The following TLN2 variants were observed in gnomAD, a reference collection of about 807,000 sequenced individuals.
The protein encoded by TLN2 is talin 2.
A neutral mutation model predicts 294.7 loss-of-function variants in TLN2; 118 were observed. The ratio of observed to expected loss-of-function variants is 0.40; its 90% CI spans 0.34 to 0.47. The LOEUF (loss-of-function observed/expected upper bound fraction) is 0.47, where lower values mean the gene tolerates loss of function less well. Among genes scored for constraint, TLN2 ranks in the 20% least tolerant of loss-of-function variants. TLN2 has a pLI of 0.84. For missense variants in TLN2, 3,083 were observed against 3,282.2 expected (o/e 0.94, Z 1.48); for synonymous variants, 1,431 against 1,304.5 (o/e 1.10, Z -2.09).
intron 11 of TLN2, among the ~76,000 whole-genome samples, chr15:62,679,889 C>A (rs1314837067): frequency 2.0e-5 from 3 of 152,136 alleles, no homozygotes; most frequent in African/African-American, 7.2e-5. Flanking sequence ...ATTTATGTAA[C>A]CCCCACCATA....
At chr15:62,595,931 A>G (rs901559352) in intron 2 of TLN2, among the ~76,000 whole-genome samples, 2 of 152,204 alleles carry the variant, frequency 1.3e-5, no homozygotes, top group Non-Finnish European at 2.9e-5. Flanking sequence ...TCAGTTAGAT[A>G]TAAAGAATAA....
chr15:62,825,776 A>AAT (rs1555521842), intron 54 of TLN2, among the ~76,000 whole-genome samples: 4 of 28,688 alleles, frequency 1.4e-4, no homozygotes, highest in East Asian at 8.2e-4. Flanking sequence ...TATATTATAT[A>AAT]ATATATTATA....
chr15:62,639,017 A>G (rs762018607), intron 3 of TLN2, among the ~76,000 whole-genome samples: 5 of 152,106 alleles, frequency 3.3e-5, no homozygotes, highest in Non-Finnish European at 5.9e-5. Context: ...TACTGTGCAT[A>G]ATTCCTAATG....
chr15:62,606,863 G>T (rs533518335), intron 2 of TLN2, among the ~76,000 whole-genome samples: 5 of 152,186 alleles, frequency 3.3e-5, no homozygotes, highest in Non-Finnish European at 7.4e-5. Flanking sequence ...CACCCTCCTC[G>T]CAGTGTTTGT....
At chr15:62,627,997 A>G (rs982432458) in intron 3 of TLN2, among the ~76,000 whole-genome samples, 5 of 152,234 alleles carry the variant, frequency 3.3e-5, no homozygotes, top group African/African-American at 1.2e-4. Flanking sequence ...AAAAAGGGCA[A>G]AATCACACAG....
At chr15:62,578,707 A>AG (rs1344331526) in intron 1 of TLN2, among the ~76,000 whole-genome samples, 2 of 152,190 alleles carry the variant, frequency 1.3e-5, no homozygotes, top group Non-Finnish European at 2.9e-5. Flanking sequence ...GCATGTGGGG[A>AG]GGGGGGTAAA....
intron 1 of TLN2, among the ~76,000 whole-genome samples, chr15:62,465,436 C>T (rs546597812): frequency 6.6e-6 from 1 of 152,270 alleles, no homozygotes; most frequent in East Asian, 1.9e-4. Context: ...GTAATCCTCT[C>T]CCCTAGTCAG....
intron 39 of TLN2, 81 bp from the exon 40 acceptor site, chr15:62,763,482 A>T: frequency 6.6e-7 from 1 of 1,505,334 alleles, no homozygotes; most frequent in South Asian, 1.3e-5. Flanking sequence ...GTGGACAGGG[A>T]TCCTGGCCCA....
intron 1 of TLN2, among the ~76,000 whole-genome samples, chr15:62,528,988 C>T (rs189745238): frequency 3.8e-4 from 58 of 152,256 alleles, no homozygotes; most frequent in African/African-American, 1.2e-3. Flanking sequence ...CAACTTTTTA[C>T]TCATAAGTAA....
intron 1 of TLN2, among the ~76,000 whole-genome samples, chr15:62,400,095 T>C (rs1241180083): frequency 6.6e-6 from 1 of 152,178 alleles, no homozygotes; most frequent in Non-Finnish European, 1.5e-5. Flanking sequence ...GTTCTTCTGA[T>C]AGTAAGTGAG....
At chr15:62,600,630 G>C (rs967125963) in intron 2 of TLN2, among the ~76,000 whole-genome samples, 3 of 152,122 alleles carry the variant, frequency 2.0e-5, no homozygotes, top group Non-Finnish European at 2.9e-5. Flanking sequence ...GAATGGAACC[G>C]CCTGCCAGAT....
intron 1 of TLN2, among the ~76,000 whole-genome samples, chr15:62,438,344 G>A (rs1340208448): frequency 6.6e-6 from 1 of 152,162 alleles, no homozygotes; most frequent in African/African-American, 2.4e-5. Context: ...TCCTTGTTAA[G>A]TTGAAGACAG....
chr15:62,840,703 G>A lies in TLN2; in HGVS notation c.*93G>A, dbSNP rs964100502. Reference sequence around the variant, plus strand: ...GAGGCTGGGCACTTAGCTGGAAACCGCCCACCTCCCTCCCGGGTGAGCCTG... The same window carrying A: ...GAGGCTGGGCACTTAGCTGGAAACCACCCACCTCCCTCCCGGGTGAGCCTG... On this transcript the variant is annotated 3_prime_UTR_variant, in exon 59 of 59. Coordinates refer to ENST00000636159, the MANE Select transcript of TLN2 (RefSeq NM_015059.3). 2.3e-5 allele frequency: 34 copies of A among 1,505,778 alleles called. No homozygotes were observed. The highest frequency in any genetic ancestry group is 2.1e-4 in the Middle Eastern group (1 of 4,794). 93.3% of individuals were successfully genotyped at this position (1,505,778 alleles called of 1,614,324 possible).
intron 58 of TLN2, 91 bp from the exon 59 acceptor site, chr15:62,840,391 C>T (rs1216876509): frequency 7.2e-6 from 11 of 1,535,722 alleles, no homozygotes; most frequent in South Asian, 2.5e-5. Context: ...CCCACGGTCG[C>T]GGGAGCCGTG....
At chr15:62,558,020 C>T (rs923627340) in intron 1 of TLN2, among the ~76,000 whole-genome samples, 1 of 152,214 alleles carries the variant, frequency 6.6e-6, no homozygotes, top group African/African-American at 2.4e-5. Context: ...TCAGCCAAAG[C>T]AGCTCTGCTT....
chr15:62,643,475 A>G (rs182883451), intron 3 of TLN2, among the ~76,000 whole-genome samples: 28 of 120,200 alleles, frequency 2.3e-4, no homozygotes, highest in Admixed American at 2.0e-3. Flanking sequence ...TTTTTGCAAT[A>G]GTTGTTTTTG....
At chr15:62,405,429 CTG>C (rs1012220646) in intron 1 of TLN2, among the ~76,000 whole-genome samples, 1 of 152,346 alleles carries the variant, frequency 6.6e-6, no homozygotes, top group African/African-American at 2.4e-5. Flanking sequence ...TCTCAACTGA[CTG>C]TGTCGCAGTT....
intron 30 of TLN2, among the ~76,000 whole-genome samples, chr15:62,738,661 T>C (rs2061158132): frequency 6.6e-6 from 1 of 152,186 alleles, no homozygotes; most frequent in African/African-American, 2.4e-5. Context: ...GGTACGTGTG[T>C]CCAAGCCTCA....
chr15:62,652,071 A>C lies in TLN2; in HGVS notation c.301A>C (p.Thr101Pro). Residue 101 changes from threonine (T) to proline (P), a missense_variant, in exon 6 of 59, where the codon ACA becomes CCA. Coordinates refer to ENST00000636159, the MANE Select transcript of TLN2 (RefSeq NM_015059.3). The part of the protein sequence containing the change: ...KIRMLDGSVK[T>P]VMVDDSKTVG... ...CCGGATGCTGGATGGATCTGTGAAGACAGTGATGGTGGATGATTCCAAGAC... is the reference window on the plus strand; with the variant it reads ...CCGGATGCTGGATGGATCTGTGAAGCCAGTGATGGTGGATGATTCCAAGAC... 1 of 1,612,074 alleles carries C rather than the reference A, an allele frequency of 6.2e-7. No homozygotes were observed. The highest frequency in any genetic ancestry group is 8.5e-7 in the Non-Finnish European group (1 of 1,178,760).
Sources: gnomAD v4.1 joint callset for allele counts (sites outside exome capture counted in the v4.1 genomes callset) on GRCh38, gnomAD v4.1.1 for gene constraint, MANE v1.5 for transcripts, NCBI Gene and HGNC (gene_info 2026-07-23, HGNC 2026-07-21) for gene names.